Variants in SH3PXD2A observed in about 807,000 individuals in gnomAD.
SH3PXD2A encodes SH3 and PX domain-containing protein 2A.
In SH3PXD2A, 32 loss-of-function variants were observed where a neutral mutation model predicts 115.2. That is an observed-to-expected ratio of 0.28 (90% confidence interval 0.21 to 0.37). The LOEUF (loss-of-function observed/expected upper bound fraction) is 0.37, where lower values mean the gene tolerates loss of function less well. Ranked by LOEUF, SH3PXD2A falls within the 10% of genes least tolerant of loss-of-function variation. The pLI is 1.00. For missense variants in SH3PXD2A, 1,328 were observed against 1,498.7 expected (o/e 0.89, Z 1.88); for synonymous variants, 610 against 629.1 (o/e 0.97, Z 0.45).
At position 103,767,125 on chromosome 10, in the gene SH3PXD2A, G is replaced by C; in HGVS notation, c.198C>G (p.Asp66Glu). Residue 66 changes from aspartate to glutamate, a missense_variant, in exon 3 of 15, where the codon GAC becomes GAG. This residue lies in a region of SH3PXD2A where 110 missense variants were observed against 160.0 expected (regional missense o/e 0.69). Transcript: ENST00000369774. ...GGAAGGGGATGATCCTTTGCTTGGG[G>C]TCCTTCTGGCCACCTTCAATGGGAA... ...DKFPIEGGQK[D>E]PKQRIIPFLP... is the part of the protein sequence containing the mutation. 6.2e-7 allele frequency: 1 copy of C among 1,614,050 alleles called. No individual in the cohort carries two copies.
At chr10:103,699,193 CAG>C (rs2037861810) in intron 5 of SH3PXD2A, among the ~76,000 whole-genome samples, 1 of 152,148 alleles carries the variant, frequency 6.6e-6, no homozygotes, top group South Asian at 2.1e-4. Context: ...TCTGCCCCCT[CAG>C]GGGCTGGTGA....
chr10:103,610,313 C>T (rs2036406625), intron 13 of SH3PXD2A, among the ~76,000 whole-genome samples: 1 of 152,254 alleles, frequency 6.6e-6, no homozygotes, highest in Admixed American at 6.5e-5. Flanking sequence ...TAACTGGAAA[C>T]AGCAGCCCTG....
intron 2 of SH3PXD2A, among the ~76,000 whole-genome samples, chr10:103,778,665 C>T (rs887822263): frequency 2.0e-5 from 3 of 152,164 alleles, no homozygotes; most frequent in Admixed American, 6.5e-5. Flanking sequence ...TGAATGGGGT[C>T]GCCAGTTTGA....
chr10:103,643,076 G>A (rs371973437), intron 8 of SH3PXD2A, among the ~76,000 whole-genome samples: 42 of 152,092 alleles, frequency 2.8e-4, no homozygotes, highest in Admixed American at 7.9e-4. Context: ...TAATTTCTGG[G>A]GAATTTTAAA....
chr10:103,680,861 A>G (rs1168889241), intron 6 of SH3PXD2A, among the ~76,000 whole-genome samples: 1 of 152,220 alleles, frequency 6.6e-6, no homozygotes, highest in East Asian at 1.9e-4. Flanking sequence ...CGTGCCGACT[A>G]AGTTACACAC....
intron 2 of SH3PXD2A, among the ~76,000 whole-genome samples, chr10:103,769,475 G>A (rs556056449): frequency 7.3e-6 from 1 of 137,104 alleles, no homozygotes; most frequent in Admixed American, 7.6e-5. Flanking sequence ...TTGAGACAGA[G>A]TCTGTCTCTG....
chr10:103,775,877 T>C (rs1189321062), intron 2 of SH3PXD2A, among the ~76,000 whole-genome samples: 4 of 152,194 alleles, frequency 2.6e-5, no homozygotes, highest in Non-Finnish European at 5.9e-5. Context: ...TACATGTGGC[T>C]GGAGTCTCTG....
At chr10:103,851,759 T>C (rs904845846) in intron 1 of SH3PXD2A, among the ~76,000 whole-genome samples, 1 of 152,206 alleles carries the variant, frequency 6.6e-6, no homozygotes, top group Admixed American at 6.5e-5. Context: ...AACTGGCTAT[T>C]ATTTGCATTC....
intron 8 of SH3PXD2A, among the ~76,000 whole-genome samples, chr10:103,655,824 A>G (rs1428764560): frequency 6.7e-6 from 1 of 149,398 alleles, no homozygotes; most frequent in African/African-American, 2.5e-5. Flanking sequence ...AGGCTATCCC[A>G]GGCTCACAAT....
intron 14 of SH3PXD2A, among the ~76,000 whole-genome samples, chr10:103,604,953 C>T (rs1172197125): frequency 6.6e-6 from 1 of 152,162 alleles, no homozygotes; most frequent in Non-Finnish European, 1.5e-5. Flanking sequence ...CAGAGACTGC[C>T]CAATGAGTCT....
At chr10:103,809,695 CT>C (rs1254906931) in intron 1 of SH3PXD2A, among the ~76,000 whole-genome samples, 1 of 101,176 alleles carries the variant, frequency 9.9e-6, no homozygotes, top group Non-Finnish European at 1.8e-5. Flanking sequence ...CCCTCCCTTC[CT>C]TCTTTTGAGA....
chr10:103,777,112 T>C (rs1271475464), intron 2 of SH3PXD2A, among the ~76,000 whole-genome samples: 5 of 152,200 alleles, frequency 3.3e-5, no homozygotes, highest in Non-Finnish European at 2.9e-5. Context: ...ATCTGTGAAA[T>C]GGGAACAGGG....
Position 103,665,680 on chromosome 10 carries a change from C to T in SH3PXD2A, c.472+2928G>A, listed in dbSNP as rs1011919205. Among the ~76,000 whole-genome samples, 6 of 152,198 alleles carry T rather than the reference C, an allele frequency of 3.9e-5. No individual in the cohort carries two copies. The highest frequency in any genetic ancestry group is 8.8e-5 in the Non-Finnish European group (6 of 68,036). ...AGGTATCCAGATGAGAAACCACTTG[C>T]AGGCCAGGCAGGCAGTGGGCGGTGA... is the stretch of plus-strand genomic sequence containing the variant. On this transcript the variant is annotated intron_variant, in intron 7 of 14. Transcript: ENST00000369774. This position sits in a 1 kb window ranked among gnomAD's most constrained non-coding sequence, Gnocchi z 4.0.
At chr10:103,822,147 T>A (rs2039387610) in intron 1 of SH3PXD2A, among the ~76,000 whole-genome samples, 1 of 152,234 alleles carries the variant, frequency 6.6e-6, no homozygotes, top group Non-Finnish European at 1.5e-5. Context: ...TGCCTCGGCC[T>A]CCCGAAGTGC....
chr10:103,680,403 C>T (rs189103658), intron 6 of SH3PXD2A, among the ~76,000 whole-genome samples: 101 of 152,198 alleles, frequency 6.6e-4, no homozygotes, highest in Non-Finnish European at 1.1e-3. Context: ...TTTGCCCTCC[C>T]GAGTAGCTGA....
At chr10:103,771,730 G>A (rs7917569) in intron 2 of SH3PXD2A, among the ~76,000 whole-genome samples, 2 of 142,570 alleles carry the variant, frequency 1.4e-5, no homozygotes, top group Non-Finnish European at 3.0e-5. Context: ...GCGAGACTCC[G>A]TCAAAACAAC....
chr10:103,843,224 C>T (rs1419291066), intron 1 of SH3PXD2A, among the ~76,000 whole-genome samples: 1 of 152,184 alleles, frequency 6.6e-6, no homozygotes, highest in East Asian at 1.9e-4. Context: ...GGCTGTGATT[C>T]ATAGCCAGCT....
intron 3 of SH3PXD2A, chr10:103,736,865 T>C (rs1288207908): frequency 4.0e-6 from 4 of 987,776 alleles, no homozygotes; most frequent in Non-Finnish European, 5.6e-6. Flanking sequence ...CCTTGTGGTG[T>C]CAGTCAGTCT....
intron 1 of SH3PXD2A, among the ~76,000 whole-genome samples, chr10:103,823,687 T>C (rs2039402382): frequency 6.6e-6 from 1 of 152,174 alleles, no homozygotes. Context: ...TGGATTCCAG[T>C]CCCGGTGGGA....
Sources: allele counts gnomAD v4.1 joint callset (sites outside exome capture counted in the v4.1 genomes callset), GRCh38; gene constraint gnomAD v4.1.1; regional missense constraint gnomAD v4.1.1; non-coding constraint Gnocchi (gnomAD v3.1); transcripts MANE v1.5; gene names NCBI Gene and HGNC (gene_info 2026-07-23, HGNC 2026-07-21).